The following ADCK1 variants were observed in gnomAD, a reference collection of about 807,000 sequenced individuals.
ADCK1 encodes the protein aarF domain containing kinase 1.
Under a neutral mutation model 52.3 loss-of-function variants are expected in ADCK1, and 41 were observed. The observed-to-expected ratio is 0.78, with a 90% CI of 0.61 to 1.02. ADCK1 has a LOEUF of 1.02. Among genes scored for constraint, ADCK1 ranks in the 50% least tolerant of loss-of-function variants. The pLI is 0.00. For missense variants in ADCK1, 658 were observed against 679.5 expected (o/e 0.97, Z 0.35); for synonymous variants, 250 against 274.6 (o/e 0.91, Z 0.89).
At chr14:77,919,045 G>T (rs1447898346) in intron 7 of ADCK1, among the ~76,000 whole-genome samples, 1 of 152,000 alleles carries the variant, frequency 6.6e-6, no homozygotes, top group Non-Finnish European at 1.5e-5. Context: ...CATCTTACTT[G>T]CCCCCTTATT....
At chr14:77,858,600 C>G (rs2082474488) in intron 3 of ADCK1, among the ~76,000 whole-genome samples, 2 of 152,100 alleles carry the variant, frequency 1.3e-5, no homozygotes, top group Non-Finnish European at 2.9e-5. Context: ...CCAAAACTTG[C>G]TTCCCTGAGG....
rs1475877145 is a variant in ADCK1, at chr14:77,923,778, G to C, written c.859-679G>C. ...AGAGATAAGAAGACTGCCTCGTCAG[G>C]GAGAGCAGCAGTGACAGGATGATTT... On this transcript the variant is annotated intron_variant, in intron 7 of 10. Coordinates refer to ENST00000238561, the MANE Select transcript of ADCK1 (RefSeq NM_020421.4). The surrounding 1 kb of genome is among the most constrained non-coding windows in gnomAD (Gnocchi z 4.3). 1.3e-5 allele frequency: 2 copies of C among 152,298 alleles called. No homozygotes were observed. The allele number at this position is 152,298 out of a possible 1,614,324, so 9.4% of individuals were successfully genotyped here. A position where few individuals can be genotyped will look rare whatever the true frequency, so the allele number is the denominator to read the frequency against.
chr14:77,928,734 A>G lies in ADCK1; in HGVS notation c.1206+2773A>G, dbSNP rs541079593. 2.6e-5 allele frequency among the ~76,000 whole-genome samples: 4 copies of G among 152,292 alleles called. No individual in the cohort carries two copies. In the East Asian group the frequency reaches 7.7e-4, roughly 29 times the overall value. On this transcript the variant is annotated intron_variant, in intron 9 of 10. Coordinates refer to ENST00000238561, the MANE Select transcript of ADCK1 (RefSeq NM_020421.4). Reference sequence around the variant, plus strand: ...CTCGGCCTCCCAAAGTGCTGGGATTACAGTCATGAGCCACCGTGCCCAGCC... The same window carrying G: ...CTCGGCCTCCCAAAGTGCTGGGATTGCAGTCATGAGCCACCGTGCCCAGCC...
At chr14:77,861,220 G>A (rs1049170426) in intron 4 of ADCK1, among the ~76,000 whole-genome samples, 13 of 152,064 alleles carry the variant, frequency 8.5e-5, no homozygotes, top group African/African-American at 2.9e-4. Flanking sequence ...GGTGTCCCTC[G>A]CAGCTGGGGA....
intron 3 of ADCK1, among the ~76,000 whole-genome samples, chr14:77,833,457 T>TTC (rs1179127976): frequency 6.6e-6 from 1 of 152,214 alleles, no homozygotes; most frequent in African/African-American, 2.4e-5. Flanking sequence ...TTCTCGGAGT[T>TTC]TGTGATAATT....
intron 4 of ADCK1, among the ~76,000 whole-genome samples, chr14:77,874,338 T>C (rs2140173786): frequency 6.6e-6 from 1 of 152,330 alleles, no homozygotes; most frequent in East Asian, 1.9e-4. Flanking sequence ...ATTTGGGTGT[T>C]CTTGGAATCT....
At chr14:77,824,445 T>G (rs1034134203) in intron 3 of ADCK1, among the ~76,000 whole-genome samples, 3 of 150,200 alleles carry the variant, frequency 2.0e-5, no homozygotes, top group African/African-American at 4.9e-5. Context: ...TCTTTTTTTT[T>G]TTTTTTGAGA....
At chr14:77,816,487 TATC>T (rs1187801174) in intron 1 of ADCK1, among the ~76,000 whole-genome samples, 1 of 152,112 alleles carries the variant, frequency 6.6e-6, no homozygotes, top group African/African-American at 2.4e-5. Context: ...GGAATGCTGA[TATC>T]ATGAAGCTTC....
At chr14:77,842,571 T>G (rs1002353044) in intron 3 of ADCK1, among the ~76,000 whole-genome samples, 16 of 151,472 alleles carry the variant, frequency 1.1e-4, no homozygotes, top group Non-Finnish European at 5.9e-5. Context: ...TTTTTTTTGT[T>G]TGTTTGTGAT....
At chr14:77,820,049 A>G (rs2081546795) in intron 2 of ADCK1, among the ~76,000 whole-genome samples, 1 of 152,214 alleles carries the variant, frequency 6.6e-6, no homozygotes, top group Admixed American at 6.5e-5. Flanking sequence ...CCAAGTGTTT[A>G]CCGAATGCCT....
In ADCK1 at chr14:77,812,090, A is replaced by G. The variant is rs184687196; in HGVS notation, c.-11-6878A>G. ...TACTGTGTAATGATTACCACAATCA[A>G]TCAACATATCCATCACCTCAGATAG... On this transcript the variant is annotated intron_variant, in intron 1 of 10. Transcript: ENST00000238561. Among the ~76,000 whole-genome samples, 528 of 152,348 alleles carry G rather than the reference A, an allele frequency of 3.5e-3. 4 individuals carry two copies. Among genetic ancestry groups the G allele is most frequent in the African/African-American group, 0.012 (503 of 41,570 alleles).
chr14:77,931,074 G>A (rs2084319205), intron 9 of ADCK1, among the ~76,000 whole-genome samples: 1 of 152,178 alleles, frequency 6.6e-6, no homozygotes. Context: ...GTGAGCAGCA[G>A]CATGGTCTGG....
intron 6 of ADCK1, among the ~76,000 whole-genome samples, chr14:77,905,009 T>C (rs1419097647): frequency 2.6e-5 from 4 of 152,234 alleles, no homozygotes; most frequent in African/African-American, 9.6e-5. Flanking sequence ...CTTTTTTAAC[T>C]GAGCAGGAGC....
intron 1 of ADCK1, among the ~76,000 whole-genome samples, chr14:77,815,872 G>A (rs1212638940): frequency 1.4e-5 from 2 of 146,940 alleles, no homozygotes; most frequent in Non-Finnish European, 3.0e-5. Flanking sequence ...CTGGAGTGCA[G>A]TGGTGCGATC....
chr14:77,818,581 C>G (rs1041730272), intron 1 of ADCK1, among the ~76,000 whole-genome samples: 2 of 152,164 alleles, frequency 1.3e-5, no homozygotes, highest in African/African-American at 4.8e-5. Context: ...CATGCTCAGC[C>G]TCTCTCTGCT....
chr14:77,830,426 A>G (rs556749026), intron 3 of ADCK1, among the ~76,000 whole-genome samples: 1 of 151,260 alleles, frequency 6.6e-6, no homozygotes, highest in African/African-American at 2.4e-5. Context: ...AATTGCTGGG[A>G]TTACAGGTAT....
intron 6 of ADCK1, among the ~76,000 whole-genome samples, chr14:77,900,070 C>CAAAA (rs751907850): frequency 6.0e-5 from 4 of 67,080 alleles, no homozygotes; most frequent in Non-Finnish European, 9.9e-5. Context: ...AACTCCGTCT[C>CAAAA]AAAAAAAAAA....
chr14:77,887,086 G>A lies in ADCK1; in HGVS notation c.424-5G>A, dbSNP rs141575665. 1.5e-4 allele frequency: 235 copies of A among 1,573,276 alleles called. No individual in the cohort carries two copies. The highest frequency in any genetic ancestry group is 8.2e-4 in the South Asian group (69 of 84,016). On this transcript the variant is annotated splice_region_variant and splice_polypyrimidine_tract_variant and intron_variant, in intron 4 of 10. Coordinates refer to ENST00000238561, the MANE Select transcript of ADCK1 (RefSeq NM_020421.4). ...TCATTGCTCTGTTCTCTCCACTCCC[G>A]ACAGATCCATGATTTGTTCCAGAGC...
In ADCK1 at chr14:77,830,148, T is replaced by C. The variant is rs1020484558; in HGVS notation, c.219+7630T>C. Among the ~76,000 whole-genome samples the C allele has an allele frequency of 2.6e-5, 4 of 151,162 alleles. 1 individual carries two copies. The highest frequency in any genetic ancestry group is 9.7e-5 in the African/African-American group (4 of 41,358). ...GTTATTGCATCATTAAATTTTCTTTTTTTTTTTTAGACAGGGTCTCGCTCT... is the reference window on the plus strand; with the variant it reads ...GTTATTGCATCATTAAATTTTCTTTCTTTTTTTTAGACAGGGTCTCGCTCT... On this transcript the variant is annotated intron_variant, in intron 3 of 10. Transcript: ENST00000238561.
Sources: allele counts gnomAD v4.1 joint callset (sites outside exome capture counted in the v4.1 genomes callset), GRCh38; gene constraint gnomAD v4.1.1; non-coding constraint Gnocchi (gnomAD v3.1); transcripts MANE v1.5; gene names NCBI Gene and HGNC (gene_info 2026-07-23, HGNC 2026-07-21).